FRMD4B: variants seen among roughly 807,000 people sequenced by gnomAD.
The protein encoded by FRMD4B is FERM domain containing 4B.
FRMD4B carries 74 observed loss-of-function variants against 141.5 expected under a neutral mutation model. That is an observed-to-expected ratio of 0.52 (90% confidence interval 0.43 to 0.63). FRMD4B has a LOEUF of 0.63. Among genes scored for constraint, FRMD4B ranks in the 30% least tolerant of loss-of-function variants. The probability of loss-of-function intolerance (pLI) is 0.00; values close to 1 mark genes in which losing one functional copy is unlikely to be tolerated. For synonymous variants in FRMD4B, 506 were observed against 467.9 expected (o/e 1.08, Z -1.05); for missense variants, 1,366 against 1,253.4 (o/e 1.09, Z -1.36).
chr3:69,341,071 A>G (rs1702723130), intron 1 of FRMD4B, among the ~76,000 whole-genome samples: 1 of 152,238 alleles, frequency 6.6e-6, no homozygotes, highest in Admixed American at 6.5e-5. Context: ...TTTTTCATAT[A>G]TAATAGTTAA....
Position 69,169,352 on chromosome 3 carries a change from T to TCTTC in FRMD4B, c.*2508_*2509insGAAG, listed in dbSNP as rs533122634. ...TAGGATTGCTGAACTTCCATTTCTT[T>TCTTC]CTTTTTTTTTTTTTTTTTTTTTTCT... On this transcript the variant is annotated 3_prime_UTR_variant, in exon 23 of 23. Coordinates refer to ENST00000398540, the MANE Select transcript of FRMD4B (RefSeq NM_015123.3). 0.053 allele frequency among the ~76,000 whole-genome samples: 847 copies of TCTTC among 15,918 alleles called. 38 individuals are homozygous for TCTTC. Among genetic ancestry groups the TCTTC allele is most frequent in the African/African-American group, 0.076 (651 of 8,598 alleles). The allele number at this position is 15,918 out of a possible 152,430, so 10.4% of individuals were successfully genotyped here.
chr3:69,196,543 C>CAAAAT (rs1051706821), intron 13 of FRMD4B, 147 bp from the exon 14 acceptor site: 2 of 631,838 alleles, frequency 3.2e-6, no homozygotes, highest in Non-Finnish European at 5.4e-6. Flanking sequence ...GACCAAAAAA[C>CAAAAT]AAAACAAAAC....
intron 1 of FRMD4B, among the ~76,000 whole-genome samples, chr3:69,439,068 T>C (rs1214418126): frequency 6.6e-6 from 1 of 152,056 alleles, no homozygotes; most frequent in Non-Finnish European, 1.5e-5. Flanking sequence ...TGTATGTGTG[T>C]GTGTGTGTGT....
chr3:69,444,881 G>T (rs1705388718), intron 1 of FRMD4B, among the ~76,000 whole-genome samples: 1 of 152,108 alleles, frequency 6.6e-6, no homozygotes, highest in African/African-American at 2.4e-5. Context: ...GATGTAAATA[G>T]CCCAAGGATC....
At chr3:69,450,512 G>T (rs1705477884) in intron 1 of FRMD4B, among the ~76,000 whole-genome samples, 1 of 152,214 alleles carries the variant, frequency 6.6e-6, no homozygotes, top group East Asian at 1.9e-4. Context: ...CAGCACTTTG[G>T]GCGGCCAAGG....
intron 5 of FRMD4B, 187 bp from the exon 6 acceptor site, chr3:69,250,286 T>TGAGC (rs779534048): frequency 1.4e-5 from 7 of 488,378 alleles, no homozygotes; most frequent in African/African-American, 3.3e-5. Flanking sequence ...AACCACTGTG[T>TGAGC]GTGCGTGTGT....
At chr3:69,453,530 T>C (rs1705533569) in intron 1 of FRMD4B, among the ~76,000 whole-genome samples, 2 of 152,224 alleles carry the variant, frequency 1.3e-5, no homozygotes. Flanking sequence ...AGCCAAACTC[T>C]GGCTCTCAAA....
At chr3:69,410,233 G>A (rs1378126756) in intron 2 of FRMD4B, among the ~76,000 whole-genome samples, 2 of 152,096 alleles carry the variant, frequency 1.3e-5, no homozygotes, top group Non-Finnish European at 2.9e-5. Context: ...GGACACTCGG[G>A]CCAATTTCAA....
intron 1 of FRMD4B, among the ~76,000 whole-genome samples, chr3:69,488,111 A>G (rs1324432132): frequency 3.9e-5 from 6 of 152,116 alleles, no homozygotes; most frequent in Non-Finnish European, 4.4e-5. Context: ...AGGAAGAAAA[A>G]AGAGAAAGAG....
chr3:69,319,114 A>T (rs575734605), intron 1 of FRMD4B, among the ~76,000 whole-genome samples: 1 of 152,332 alleles, frequency 6.6e-6, no homozygotes, highest in African/African-American at 2.4e-5. Flanking sequence ...ACACAAACCT[A>T]TCAAGGGGGC....
At chr3:69,474,538 G>A (rs567931160) in intron 1 of FRMD4B, among the ~76,000 whole-genome samples, 2 of 152,252 alleles carry the variant, frequency 1.3e-5, no homozygotes, top group African/African-American at 4.8e-5. Flanking sequence ...GGAGTTCCTG[G>A]TAGTTCATCT....
chr3:69,228,559 G>A, intron 7 of FRMD4B: 1 of 431,768 alleles, frequency 2.3e-6, no homozygotes. Context: ...AGCTCGCTGG[G>A]CATGGTGGCT....
chr3:69,326,450 G>A (rs1702195510), intron 1 of FRMD4B, among the ~76,000 whole-genome samples: 1 of 152,314 alleles, frequency 6.6e-6, no homozygotes, highest in African/African-American at 2.4e-5. Flanking sequence ...AAGGAAGGTG[G>A]TAAACTCTAA....
intron 1 of FRMD4B, among the ~76,000 whole-genome samples, chr3:69,337,518 C>G (rs957308142): frequency 2.6e-5 from 4 of 152,106 alleles, no homozygotes; most frequent in Non-Finnish European, 5.9e-5. Context: ...AGTGAACAGG[C>G]AACCTACAGA....
chr3:69,500,526 C>T (rs1288425548), intron 1 of FRMD4B, among the ~76,000 whole-genome samples: 1 of 152,074 alleles, frequency 6.6e-6, no homozygotes, highest in Non-Finnish European at 1.5e-5. Flanking sequence ...GAAGAAACTA[C>T]TTGCAGAGGT....
intron 2 of FRMD4B, among the ~76,000 whole-genome samples, chr3:69,401,513 C>T (rs1043112993): frequency 6.6e-6 from 1 of 152,146 alleles, no homozygotes; most frequent in Non-Finnish European, 1.5e-5. Flanking sequence ...TTCCTATAAT[C>T]TCTCAGGACA....
intron 1 of FRMD4B, among the ~76,000 whole-genome samples, chr3:69,368,453 G>A (rs1455813728): frequency 6.6e-6 from 1 of 152,208 alleles, no homozygotes; most frequent in Non-Finnish European, 1.5e-5. Flanking sequence ...AAGGCACTGT[G>A]GTTTCCCAGG....
chr3:69,488,283 T>C (rs977363810), intron 1 of FRMD4B, among the ~76,000 whole-genome samples: 3 of 152,266 alleles, frequency 2.0e-5, no homozygotes, highest in East Asian at 1.9e-4. Context: ...GCCAGAGAAA[T>C]TGAAGGCCCT....
intron 1 of FRMD4B, among the ~76,000 whole-genome samples, chr3:69,466,569 G>C (rs1380637023): frequency 6.6e-6 from 1 of 152,130 alleles, no homozygotes; most frequent in Non-Finnish European, 1.5e-5. Flanking sequence ...AGCACAGTTG[G>C]CCATGAGTTG....
Sources: gnomAD v4.1 joint callset for allele counts (sites outside exome capture counted in the v4.1 genomes callset) on GRCh38, gnomAD v4.1.1 for gene constraint, MANE v1.5 for transcripts, NCBI Gene and HGNC (gene_info 2026-07-23, HGNC 2026-07-21) for gene names.